The following EHBP1L1 variants were observed in gnomAD, a reference collection of about 807,000 sequenced individuals.
The protein encoded by EHBP1L1 is EH domain binding protein 1 like 1.
EHBP1L1 carries 122 observed loss-of-function variants against 151.1 expected under a neutral mutation model. That is an observed-to-expected ratio of 0.81 (90% confidence interval 0.70 to 0.94). The LOEUF (loss-of-function observed/expected upper bound fraction) is 0.94. EHBP1L1 is among the 40% of genes least tolerant of loss of function. The probability of loss-of-function intolerance (pLI) is 0.00; values close to 1 mark genes in which losing one functional copy is unlikely to be tolerated. For synonymous variants in EHBP1L1, 878 were observed against 810.1 expected (o/e 1.08, Z -1.42); for missense variants, 1,941 against 1,959.8 (o/e 0.99, Z 0.18).
At chr11:65,579,187 A>T (rs1590813047) in intron 2 of EHBP1L1, 52 bp downstream of exon 2, 1 of 1,504,284 alleles carries the variant, frequency 6.6e-7, no homozygotes, top group Non-Finnish European at 9.0e-7. Context: ...GGCCGGTGGG[A>T]GGCTGATGGG....
chr11:65,579,104 G>A lies in EHBP1L1; in HGVS notation c.131G>A (p.Trp44Ter). The change falls in exon 2 of 19, where the codon TGG becomes TAG. Residue 44 changes from tryptophan to a stop codon, truncating the protein, a stop_gained. Coordinates refer to ENST00000309295, the MANE Select transcript of EHBP1L1 (RefSeq NM_001099409.3). LOFTEE classifies it high-confidence loss of function. ...CAGCCAGATAAGCTGGTGGTGGTAT[G>A]GACCCGTCGGAACCGACGCATCTGC... ...KWQPDKLVVV[W>*]TRRNRRICSK... is the part of the protein sequence containing the mutation. 1.9e-6 allele frequency: 3 copies of A among 1,594,372 alleles called. No individual in the cohort carries two copies. Among genetic ancestry groups the A allele is most frequent in the Non-Finnish European group, 2.6e-6 (3 of 1,170,628 alleles).
In EHBP1L1 at chr11:65,582,175, T is replaced by C; in HGVS notation, c.1503T>C (p.Ala501=). ...QLGDLEGARA[A]AGQEREGAEV... ...GTGACCTCGAGGGGGCCAGGGCTGC[T>C]GCAGGCCAGGAGAGAGAGGGTGCAG... Residue 501 remains alanine (A), a synonymous_variant, in exon 9 of 19, where the codon GCT becomes GCC. Coordinates refer to ENST00000309295, the MANE Select transcript of EHBP1L1 (RefSeq NM_001099409.3). The C allele has an allele frequency of 1.3e-6, 2 of 1,570,028 alleles. No homozygotes were observed. The highest frequency in any genetic ancestry group is 1.7e-6 in the Non-Finnish European group (2 of 1,159,698).
chr11:65,579,157 G>A (rs112355869), intron 2 of EHBP1L1, 22 bp downstream of exon 2: 2 of 1,581,862 alleles, frequency 1.3e-6, no homozygotes, highest in African/African-American at 1.3e-5. Flanking sequence ...TGGCAACTGG[G>A]GATCCAGGTT....
At position 65,580,158 on chromosome 11, in the gene EHBP1L1, A is replaced by G; in HGVS notation, c.390A>G (p.Gln130=). The G allele has an allele frequency of 6.2e-7, 1 of 1,613,746 alleles. No individual in the cohort carries two copies. The highest frequency in any genetic ancestry group is 2.2e-5 in the East Asian group (1 of 44,876). Residue 130 remains glutamine, a synonymous_variant, in exon 5 of 19, where the codon CAA becomes CAG. Coordinates refer to ENST00000309295, the MANE Select transcript of EHBP1L1 (RefSeq NM_001099409.3). ...GCCATGCAGGGCCCGTGCCTGTCCA[A>G]GTCCCAGTGAGGCTGCGGCTGAAGC... ...LARHAGPVPV[Q]VPVRLRLKPK... is the part of the protein sequence containing the mutation.
intron 1 of EHBP1L1, among the ~76,000 whole-genome samples, chr11:65,578,048 C>T (rs1414671178): frequency 6.6e-6 from 1 of 152,214 alleles, no homozygotes; most frequent in African/African-American, 2.4e-5. Context: ...GCCCTCTGCC[C>T]CCAGGCCCAG....
chr11:65,583,183 G>GGACCCA lies in EHBP1L1; in HGVS notation c.2512_2513insACCCAG (p.Glu837_Val838insAspPro). ...CAGGGGTCCCAGGGCTAGAATCTGA[G>GGACCCA]GTAGCTGGGGCCCAGGAGACAGAGG... On this transcript the variant is annotated inframe_insertion, in exon 9 of 19. Coordinates refer to ENST00000309295, the MANE Select transcript of EHBP1L1 (RefSeq NM_001099409.3). The GGACCCA allele has an allele frequency of 3.7e-6, 6 of 1,613,350 alleles. No individual in the cohort carries two copies. Among genetic ancestry groups the GGACCCA allele is most frequent in the Non-Finnish European group, 5.1e-6 (6 of 1,179,792 alleles).
Position 65,581,197 on chromosome 11 carries a change from C to T in EHBP1L1, c.704-14C>T. ...ACTGGGCCCAGGCCACAGTGTCCCCCTCTTTCTTCTCAGTTGCCAGCCCTT... is the reference window on the plus strand; with the variant it reads ...ACTGGGCCCAGGCCACAGTGTCCCCTTCTTTCTTCTCAGTTGCCAGCCCTT... On this transcript the variant is annotated splice_polypyrimidine_tract_variant and intron_variant, in intron 7 of 18. Coordinates refer to ENST00000309295, the MANE Select transcript of EHBP1L1 (RefSeq NM_001099409.3). The T allele has an allele frequency of 1.2e-6, 2 of 1,609,192 alleles. No individual in the cohort carries two copies. The highest frequency in any genetic ancestry group is 1.7e-6 in the Non-Finnish European group (2 of 1,177,636).
intron 15 of EHBP1L1, 141 bp from the exon 16 acceptor site, chr11:65,590,352 G>A: frequency 6.6e-7 from 1 of 1,505,420 alleles, no homozygotes; most frequent in East Asian, 2.4e-5. Context: ...GCATGCTGAG[G>A]CCCTGAAGTG....
Position 65,589,965 on chromosome 11 carries a change from C to G in EHBP1L1, c.4033C>G (p.Pro1345Ala). Residue 1345 changes from proline to alanine, a missense_variant, in exon 14 of 19, where the codon CCA becomes GCA. Transcript: ENST00000309295. ...GGSSPSEEPP[P>A]SPGEEAGLQR... The stretch of plus-strand genomic sequence containing the variant: ...GAGTTCCCCCTCGGAGGAACCACCC[C>G]CAAGCCCAGGGGAGGAGGCTGGGCT... 1.3e-6 allele frequency: 2 copies of G among 1,584,918 alleles called. No homozygotes were observed. The highest frequency in any genetic ancestry group is 1.7e-6 in the Non-Finnish European group (2 of 1,161,534).
chr11:65,582,125 C>G lies in EHBP1L1; in HGVS notation c.1453C>G (p.Pro485Ala), dbSNP rs775633565. 8.8e-6 allele frequency: 14 copies of G among 1,594,134 alleles called. No homozygotes were observed. The highest frequency in any genetic ancestry group is 1.2e-5 in the Non-Finnish European group (14 of 1,170,502). The change falls in exon 9 of 19, where the codon CCT (proline) becomes GCT (alanine). Residue 485 changes from proline (P) to alanine (A), a missense_variant. Physicochemically the swap from Pro to Ala is conservative, Grantham distance 27. Coordinates refer to ENST00000309295, the MANE Select transcript of EHBP1L1 (RefSeq NM_001099409.3). ...AGGCCTGAGCCTGCCCCCAGCGGAG[C>G]CTGCAGGGCACTCTGGGCAACTTGG... ...PSGLSLPPAE[P>A]AGHSGQLGDL... is the part of the protein sequence containing the mutation.
intron 1 of EHBP1L1, among the ~76,000 whole-genome samples, chr11:65,577,289 G>T (rs1857378797): frequency 6.6e-6 from 1 of 152,212 alleles, no homozygotes; most frequent in Non-Finnish European, 1.5e-5. Flanking sequence ...GGGGCAGGAA[G>T]GGACCATGGG....
intron 16 of EHBP1L1, chr11:65,591,292 G>A (rs1037768059): frequency 1.2e-5 from 2 of 172,062 alleles, no homozygotes; most frequent in Non-Finnish European, 2.5e-5. Flanking sequence ...GCTGAGGCAG[G>A]AGAATCGCTT....
At chr11:65,588,188 G>A (rs1376531801) in intron 12 of EHBP1L1, among the ~76,000 whole-genome samples, 1 of 152,046 alleles carries the variant, frequency 6.6e-6, no homozygotes, top group Non-Finnish European at 1.5e-5. Context: ...CCGGCAGGGG[G>A]GTCTCTGGAG....
chr11:65,587,104 G>A (rs1443813863), intron 12 of EHBP1L1, among the ~76,000 whole-genome samples: 3 of 152,200 alleles, frequency 2.0e-5, no homozygotes, highest in African/African-American at 7.2e-5. Flanking sequence ...GCCGGGCACC[G>A]TGGCTCATAC....
rs1565132989 is a variant in EHBP1L1, at chr11:65,589,944, T to C, written c.4012T>C (p.Ser1338Pro). The C allele has an allele frequency of 6.4e-7, 1 of 1,565,360 alleles. No individual in the cohort carries two copies. The highest frequency in any genetic ancestry group is 2.3e-5 in the East Asian group (1 of 43,946). Residue 1338 changes from serine to proline, a missense_variant, in exon 14 of 19, where the codon TCC (serine) becomes CCC (proline). Ser to Pro is a moderately conservative substitution (Grantham distance 74, BLOSUM62 -1). Transcript: ENST00000309295. ...ATCATCTCTGTCTGCAGGTGGGAGT[T>C]CCCCCTCGGAGGAACCACCCCCAAG... The part of the protein sequence containing the change: ...ADSQQPPGGS[S>P]PSEEPPPSPG...
At chr11:65,579,548 G>T in intron 3 of EHBP1L1, 112 bp downstream of exon 3, 1 of 903,656 alleles carries the variant, frequency 1.1e-6, no homozygotes, top group Non-Finnish European at 1.6e-6. Context: ...GATGCGGGGG[G>T]TGAGGCCAAG....
At position 65,579,102 on chromosome 11, in the gene EHBP1L1, A is replaced by G. The variant is rs746741285; in HGVS notation, c.129A>G (p.Val43=). The G allele has an allele frequency of 3.1e-6, 5 of 1,593,906 alleles. No homozygotes were observed. The highest frequency in any genetic ancestry group is 2.7e-5 in the African/African-American group (2 of 74,502). ...KKWQPDKLVV[V]WTRRNRRICS... is the part of the protein sequence containing the mutation. Reference sequence around the variant, plus strand: ...GGCAGCCAGATAAGCTGGTGGTGGTATGGACCCGTCGGAACCGACGCATCT... The same window carrying G: ...GGCAGCCAGATAAGCTGGTGGTGGTGTGGACCCGTCGGAACCGACGCATCT... The change falls in exon 2 of 19, where the codon GTA becomes GTG. Residue 43 remains valine (V), a synonymous_variant. Transcript: ENST00000309295.
Position 65,582,602 on chromosome 11 carries a change from C to A in EHBP1L1, c.1930C>A (p.Pro644Thr), listed in dbSNP as rs779836609. The A allele has an allele frequency of 1.2e-6, 2 of 1,613,400 alleles. No homozygotes were observed. The highest frequency in any genetic ancestry group is 1.7e-6 in the Non-Finnish European group (2 of 1,179,820). ...AACAGAGGTGGGGGTCATAGAGACC[C>A]CAGGGACAGAGACTGAGGTATTGGG... ...QETEVGVIETPGTETEVLGTQ... is the reference protein window; with the variant it reads ...QETEVGVIETTGTETEVLGTQ... Residue 644 changes from proline to threonine, a missense_variant, in exon 9 of 19, where the codon CCA (proline) becomes ACA (threonine). Transcript: ENST00000309295.
chr11:65,580,538 CG>C, intron 6 of EHBP1L1, 59 bp downstream of exon 6: 13 of 1,571,846 alleles, frequency 8.3e-6, no homozygotes, highest in Non-Finnish European at 1.1e-5. Context: ...GAGGGTTACC[CG>C]GGCCACCAGC....
Sources: allele counts gnomAD v4.1 joint callset (sites outside exome capture counted in the v4.1 genomes callset), GRCh38; gene constraint gnomAD v4.1.1; transcripts MANE v1.5; gene names NCBI Gene and HGNC (gene_info 2026-07-23, HGNC 2026-07-21).